The following ABTB2 variants were observed in gnomAD, a reference collection of about 807,000 sequenced individuals.
The protein encoded by ABTB2 is ankyrin repeat and BTB domain containing 2.
In ABTB2, 56 loss-of-function variants were observed where a neutral mutation model predicts 104.1. That is an observed-to-expected ratio of 0.54 (90% confidence interval 0.43 to 0.67). The LOEUF (loss-of-function observed/expected upper bound fraction) is 0.67, where lower values mean the gene tolerates loss of function less well. Ranked by LOEUF, ABTB2 falls within the 30% of genes least tolerant of loss-of-function variation. The probability of loss-of-function intolerance (pLI) is 0.00; values close to 1 mark genes in which losing one functional copy is unlikely to be tolerated. For missense variants in ABTB2, 1,279 were observed against 1,407.7 expected (o/e 0.91, Z 1.46); for synonymous variants, 606 against 608.2 (o/e 1.00, Z 0.05).
chr11:34,214,139 A>AAAACACACACACAC (rs112616498), intron 1 of ABTB2, among the ~76,000 whole-genome samples: 57 of 139,272 alleles, frequency 4.1e-4, no homozygotes, highest in African/African-American at 1.5e-3. Flanking sequence ...GCACATTCAA[A>AAAACACACACACAC]ACACACACAC....
At chr11:34,243,284 T>C (rs765822134) in intron 1 of ABTB2, among the ~76,000 whole-genome samples, 2 of 152,112 alleles carry the variant, frequency 1.3e-5, no homozygotes, top group African/African-American at 2.4e-5. Context: ...AATATATATA[T>C]ATATTTTAGA....
rs534615901 is a variant in ABTB2 at position 34,212,601 on chromosome 11, T to C, written c.884-7911A>G. Among the ~76,000 whole-genome samples the C allele has an allele frequency of 7.2e-5, 11 of 152,320 alleles. No individual in the cohort carries two copies. In the East Asian group the frequency reaches 1.9e-3, roughly 27 times the overall value. On this transcript the variant is annotated intron_variant, in intron 1 of 16. Transcript: ENST00000435224. Reference sequence around the variant, plus strand: ...TGGGATTCAGACCCAGTGTGTCTGATACTGGAGTCCACACTGGCTCAGTCT... The same window carrying C: ...TGGGATTCAGACCCAGTGTGTCTGACACTGGAGTCCACACTGGCTCAGTCT...
intron 1 of ABTB2, among the ~76,000 whole-genome samples, chr11:34,298,085 GT>G (rs369442459): frequency 0.15 from 20,818 of 140,440 alleles, 1,498 homozygotes; most frequent in Middle Eastern, 0.22. Flanking sequence ...ATAAATGTCT[GT>G]TTTTTTTTTT....
chr11:34,205,102 T>A (rs1017587917), intron 1 of ABTB2, among the ~76,000 whole-genome samples: 2 of 152,150 alleles, frequency 1.3e-5, no homozygotes, highest in Admixed American at 1.3e-4. Context: ...TCAGCCCAGG[T>A]ATTGTGCTAT....
intron 1 of ABTB2, among the ~76,000 whole-genome samples, chr11:34,267,505 T>C (rs1375389705): frequency 6.6e-6 from 1 of 152,186 alleles, no homozygotes; most frequent in Non-Finnish European, 1.5e-5. Flanking sequence ...TGAAAATACT[T>C]GTAACACAGA....
Position 34,154,444 on chromosome 11 carries a change from C to A in ABTB2, c.2767-66G>T. On this transcript the variant is annotated intron_variant, in intron 15 of 16. Transcript: ENST00000435224. The surrounding 1 kb of genome is among the most constrained non-coding windows in gnomAD (Gnocchi z 4.9). Reference sequence around the variant, plus strand: ...GACCAGTGGCCCAGACAGCACCGAACAGAAAGCTCCCGAGTGCCGTGTGCC... The same window carrying A: ...GACCAGTGGCCCAGACAGCACCGAAAAGAAAGCTCCCGAGTGCCGTGTGCC... 1 of 1,205,824 alleles carries A rather than the reference C, an allele frequency of 8.3e-7. No individual in the cohort carries two copies. The highest frequency in any genetic ancestry group is 1.2e-6 in the Non-Finnish European group (1 of 836,326). The allele number at this position is 1,205,824 out of a possible 1,614,324, so 74.7% of individuals were successfully genotyped here.
chr11:34,198,821 G>A (rs962849290), intron 2 of ABTB2, among the ~76,000 whole-genome samples: 2 of 152,220 alleles, frequency 1.3e-5, no homozygotes, highest in Admixed American at 1.3e-4. Flanking sequence ...GCACCTGCAG[G>A]CACCTCCGCT....
intron 1 of ABTB2, among the ~76,000 whole-genome samples, chr11:34,277,121 C>T (rs1370755146): frequency 1.3e-5 from 2 of 152,084 alleles, no homozygotes; most frequent in African/African-American, 4.8e-5. Flanking sequence ...AGGCTGGTCT[C>T]GAACTCCTGA....
At chr11:34,343,081 T>C (rs949819943) in intron 1 of ABTB2, among the ~76,000 whole-genome samples, 14 of 152,278 alleles carry the variant, frequency 9.2e-5, no homozygotes, top group African/African-American at 3.4e-4. Context: ...GCAATCCTGC[T>C]GCCTCAGCCT....
intron 1 of ABTB2, among the ~76,000 whole-genome samples, chr11:34,348,591 T>A (rs994300815): frequency 1.3e-5 from 2 of 152,120 alleles, no homozygotes; most frequent in East Asian, 3.9e-4. Context: ...ACCTGCCACA[T>A]CCTCCACAAA....
At chr11:34,283,561 A>C (rs965187917) in intron 1 of ABTB2, among the ~76,000 whole-genome samples, 2 of 152,218 alleles carry the variant, frequency 1.3e-5, no homozygotes, top group Non-Finnish European at 2.9e-5. Context: ...CCATTTAGCA[A>C]GTATCAAAGT....
intron 1 of ABTB2, among the ~76,000 whole-genome samples, chr11:34,230,112 G>A (rs1853749032): frequency 6.6e-6 from 1 of 152,210 alleles, no homozygotes; most frequent in African/African-American, 2.4e-5. Context: ...TAGGTGGGAG[G>A]TGGCACACGC....
intron 1 of ABTB2, among the ~76,000 whole-genome samples, chr11:34,249,378 A>T (rs1275836057): frequency 6.6e-6 from 1 of 152,240 alleles, no homozygotes; most frequent in East Asian, 1.9e-4. Flanking sequence ...AGCTTCACAT[A>T]AAAATATCCA....
chr11:34,259,898 G>A (rs1854168500), intron 1 of ABTB2, among the ~76,000 whole-genome samples: 1 of 152,072 alleles, frequency 6.6e-6, no homozygotes, highest in African/African-American at 2.4e-5. Context: ...TCGACCTCCT[G>A]GGCTCCAGCA....
chr11:34,163,953 T>G (rs1590203522), intron 9 of ABTB2, among the ~76,000 whole-genome samples: 7 of 87,400 alleles, frequency 8.0e-5, no homozygotes, highest in Admixed American at 1.4e-4. Flanking sequence ...GCCTGGAGGG[T>G]GAGGGTGGCT....
At chr11:34,304,781 G>A (rs1854751642) in intron 1 of ABTB2, among the ~76,000 whole-genome samples, 1 of 152,168 alleles carries the variant, frequency 6.6e-6, no homozygotes, top group Non-Finnish European at 1.5e-5. Flanking sequence ...GTGGGGCCAG[G>A]ATTCAAACTC....
intron 1 of ABTB2, among the ~76,000 whole-genome samples, chr11:34,249,166 A>T (rs185210472): frequency 1.3e-5 from 2 of 152,296 alleles, no homozygotes; most frequent in East Asian, 3.9e-4. Flanking sequence ...TCGCAACATG[A>T]ATTTGCAAGT....
intron 1 of ABTB2, among the ~76,000 whole-genome samples, chr11:34,329,587 C>CA (rs1855106277): frequency 6.6e-6 from 1 of 152,242 alleles, no homozygotes; most frequent in Admixed American, 6.5e-5. Flanking sequence ...AGACTCAAGT[C>CA]CAGAATCTTT....
At chr11:34,236,679 CG>C (rs1853848697) in intron 1 of ABTB2, among the ~76,000 whole-genome samples, 1 of 152,124 alleles carries the variant, frequency 6.6e-6, no homozygotes, top group Non-Finnish European at 1.5e-5. Context: ...ATTGAGATGC[CG>C]ATACATCAGG....
Sources: gnomAD v4.1 joint callset for allele counts (sites outside exome capture counted in the v4.1 genomes callset) on GRCh38, gnomAD v4.1.1 for gene constraint, Gnocchi (gnomAD v3.1) non-coding constraint, MANE v1.5 for transcripts, NCBI Gene and HGNC (gene_info 2026-07-23, HGNC 2026-07-21) for gene names.